The following TMEM50A variants were observed in gnomAD, a reference collection of about 807,000 sequenced individuals.
TMEM50A encodes the protein transmembrane protein 50A, also known as cervical cancer oncogene 9.
Under a neutral mutation model 23.9 loss-of-function variants are expected in TMEM50A, and 8 were observed. The ratio of observed to expected loss-of-function variants is 0.33; its 90% CI spans 0.20 to 0.60. The LOEUF (loss-of-function observed/expected upper bound fraction) is 0.60. Among genes scored for constraint, TMEM50A ranks in the 20% least tolerant of loss-of-function variants. The pLI, the probability that TMEM50A is intolerant of heterozygous loss-of-function variation, is 0.81. For synonymous variants in TMEM50A, 55 were observed against 60.4 expected (o/e 0.91, Z 0.41); for missense variants, 178 against 192.7 (o/e 0.92, Z 0.45).
intron 5 of TMEM50A, among the ~76,000 whole-genome samples, 165 bp downstream of exon 5, chr1:25,353,139 T>C (rs1233641710): frequency 6.6e-6 from 1 of 152,208 alleles, no homozygotes; most frequent in African/African-American, 2.4e-5. Context: ...TGGTTTTCTT[T>C]GTCTTATATA....
intron 3 of TMEM50A, among the ~76,000 whole-genome samples, chr1:25,346,554 C>T (rs1645219626): frequency 6.6e-6 from 1 of 152,148 alleles, no homozygotes; most frequent in Non-Finnish European, 1.5e-5. Flanking sequence ...TACCACCACA[C>T]CCAGCTATTT....
intron 3 of TMEM50A, among the ~76,000 whole-genome samples, chr1:25,350,416 G>A (rs1239910009): frequency 6.6e-6 from 1 of 152,048 alleles, no homozygotes. Flanking sequence ...AAGAGACGGA[G>A]TTTCACTCTT....
In TMEM50A at chr1:25,339,405, G is replaced by C. The variant is rs184947107; in HGVS notation, c.-14+949G>C. Among the ~76,000 whole-genome samples the C allele has an allele frequency of 3.5e-3, 526 of 152,286 alleles. 1 individual carries two copies. Among genetic ancestry groups the C allele is most frequent in the Non-Finnish European group, 5.8e-3 (393 of 68,032 alleles). ...ACGATTCTGTGCTTGCTTTTGGCTGGAAACACCCGTTAGGATCAGAGATAG... is the reference window on the plus strand; with the variant it reads ...ACGATTCTGTGCTTGCTTTTGGCTGCAAACACCCGTTAGGATCAGAGATAG... On this transcript the variant is annotated intron_variant, in intron 1 of 6. Transcript: ENST00000374358.
intron 6 of TMEM50A, among the ~76,000 whole-genome samples, chr1:25,358,829 A>G (rs1012558894): frequency 3.3e-5 from 5 of 152,196 alleles, no homozygotes; most frequent in African/African-American, 1.2e-4. Context: ...CTAATAACCA[A>G]CTTCAGTTTT....
At position 25,361,789 on chromosome 1, in the gene TMEM50A, T is replaced by C. The variant is rs1350148111; in HGVS notation, c.*1084T>C. On this transcript the variant is annotated 3_prime_UTR_variant, in exon 7 of 7. Coordinates refer to ENST00000374358, the MANE Select transcript of TMEM50A (RefSeq NM_014313.4). ...TGGTCATCTGACAGTCTCTACACTG[T>C]GAATATTGCCTGGTGATCAAGACTC... 6.5e-6 allele frequency: 1 copy of C among 154,212 alleles called. No individual in the cohort carries two copies. The highest frequency in any genetic ancestry group is 1.4e-5 in the Non-Finnish European group (1 of 69,382). The allele number at this position is 154,212 out of a possible 1,614,324, so 9.6% of individuals were successfully genotyped here.
chr1:25,340,991 T>A (rs1426139864), intron 2 of TMEM50A, among the ~76,000 whole-genome samples: 1 of 152,196 alleles, frequency 6.6e-6, no homozygotes, highest in Non-Finnish European at 1.5e-5. Context: ...TGGCAACACA[T>A]ACACTAAGAT....
intron 6 of TMEM50A, among the ~76,000 whole-genome samples, chr1:25,359,452 T>C (rs930832187): frequency 1.3e-5 from 2 of 151,614 alleles, no homozygotes; most frequent in African/African-American, 2.4e-5. Flanking sequence ...TGGGCCATAT[T>C]GGAAGAATTG....
chr1:25,339,614 A>C lies in TMEM50A; in HGVS notation c.-13-860A>C, dbSNP rs1237748638. ...CTGTGATAAAATATGTAAATTAGAG[A>C]AATATTTTTCATTTGAATCTGTAAT... is the stretch of plus-strand genomic sequence containing the variant. On this transcript the variant is annotated intron_variant, in intron 1 of 6. Transcript: ENST00000374358. Among the ~76,000 whole-genome samples the C allele has an allele frequency of 3.9e-5, 6 of 152,340 alleles. No individual in the cohort carries two copies. The East Asian group carries it at 1.2e-3, about 29-fold the overall frequency.
intron 2 of TMEM50A, among the ~76,000 whole-genome samples, chr1:25,341,351 G>A (rs969379780): frequency 6.6e-6 from 1 of 151,842 alleles, no homozygotes; most frequent in Non-Finnish European, 1.5e-5. Flanking sequence ...TCCGCTTCCC[G>A]GGGTTCACGC....
chr1:25,346,189 C>A (rs1189366905), intron 3 of TMEM50A, among the ~76,000 whole-genome samples: 2 of 151,700 alleles, frequency 1.3e-5, no homozygotes, highest in Non-Finnish European at 1.5e-5. Context: ...TTTCTAAGGG[C>A]CTTTGTTTCC....
rs573950441 is a variant in TMEM50A at position 25,339,082 on chromosome 1, G to C, written c.-14+626G>C. ...ATATTTTAATATTTAATTTTTAAAAGAGAAGTTAAAAATGGGAGACGTTGC... is the reference window on the plus strand; with the variant it reads ...ATATTTTAATATTTAATTTTTAAAACAGAAGTTAAAAATGGGAGACGTTGC... On this transcript the variant is annotated intron_variant, in intron 1 of 6. Transcript: ENST00000374358. Among the ~76,000 whole-genome samples, 101 of 152,328 alleles carry C rather than the reference G, an allele frequency of 6.6e-4. 3 individuals are homozygous for C. The South Asian group carries it at 0.02, about 30-fold the overall frequency.
At chr1:25,359,123 T>TCCCCATAGAGCATGCAGGCAGGCAG (rs1023441323) in intron 6 of TMEM50A, among the ~76,000 whole-genome samples, 15 of 151,870 alleles carry the variant, frequency 9.9e-5, no homozygotes, top group South Asian at 2.1e-4. Context: ...CAGGCAGGCA[T>TCCCCATAGAGCATGCAGGCAGGCAG]CCCCATAGAG....
chr1:25,362,163 T>C lies in TMEM50A; in HGVS notation c.*1458T>C, dbSNP rs1025750594. ...TCAGTGATTTGTAATTTTCCTGTTT[T>C]GTATTATCTGCTTTGCTGATGTAGA... On this transcript the variant is annotated 3_prime_UTR_variant, in exon 7 of 7. Coordinates refer to ENST00000374358, the MANE Select transcript of TMEM50A (RefSeq NM_014313.4). 1.2e-5 allele frequency: 5 copies of C among 403,866 alleles called. No individual in the cohort carries two copies. The highest frequency in any genetic ancestry group is 2.3e-5 in the Non-Finnish European group (5 of 219,094). 25.0% of individuals were successfully genotyped at this position (403,866 alleles called of 1,614,324 possible). A position where few individuals can be genotyped will look rare whatever the true frequency, so the allele number is the denominator to read the frequency against.
Position 25,340,582 on chromosome 1 carries a change from A to T in TMEM50A, c.93+3A>T, listed in dbSNP as rs768440482. The stretch of plus-strand genomic sequence containing the variant: ...CTTCCATTGCTGCTGGTGTACTAGT[A>T]AGTGTCATTGATTATTTGGGCCTTA... On this transcript the variant is annotated splice_donor_region_variant and intron_variant, in intron 2 of 6. Coordinates refer to ENST00000374358, the MANE Select transcript of TMEM50A (RefSeq NM_014313.4). 6.2e-7 allele frequency: 1 copy of T among 1,610,004 alleles called. No individual in the cohort carries two copies. Among genetic ancestry groups the T allele is most frequent in the South Asian group, 1.1e-5 (1 of 90,162 alleles).
At position 25,361,524 on chromosome 1, in the gene TMEM50A, C is replaced by G. The variant is rs1030288714; in HGVS notation, c.*819C>G. 6.6e-6 allele frequency: 1 copy of G among 152,258 alleles called. No individual in the cohort carries two copies. Among genetic ancestry groups the G allele is most frequent in the Non-Finnish European group, 1.5e-5 (1 of 68,100 alleles). The allele number at this position is 152,258 out of a possible 1,614,324, so 9.4% of individuals were successfully genotyped here. On this transcript the variant is annotated 3_prime_UTR_variant, in exon 7 of 7. Transcript: ENST00000374358. ...TTCCATGTTGCATTTCATCTGTGTA[C>G]TGAACCACTAGCCTAATAGACCAGC...
Position 25,352,884 on chromosome 1 carries a change from G to T in TMEM50A, c.277G>T (p.Ala93Ser). ...GGTAAAATATTATTTCTTTGAAGGT[G>T]CTCGCATTTGGCTTTTCGTTGGTTT... is the stretch of plus-strand genomic sequence containing the variant. ...YSEGCLGQTG[A>S]RIWLFVGFML... The change falls in exon 5 of 7, where the codon GCT becomes TCT. Residue 93 changes from alanine (A) to serine (S), a missense_variant and splice_region_variant. Physicochemically the swap from Ala to Ser is moderately conservative, Grantham distance 99. Transcript: ENST00000374358. 1 of 1,612,876 alleles carries T rather than the reference G, an allele frequency of 6.2e-7. No homozygotes were observed. The highest frequency in any genetic ancestry group is 1.7e-5 in the Admixed American group (1 of 59,852).
At chr1:25,359,123 T>G (rs543883736) in intron 6 of TMEM50A, among the ~76,000 whole-genome samples, 4 of 151,870 alleles carry the variant, frequency 2.6e-5, no homozygotes, top group Non-Finnish European at 2.9e-5. Context: ...CAGGCAGGCA[T>G]CCCCATAGAG....
At chr1:25,354,111 C>T (rs975983153) in intron 5 of TMEM50A, among the ~76,000 whole-genome samples, 15 of 152,102 alleles carry the variant, frequency 9.9e-5, no homozygotes, top group African/African-American at 3.4e-4. Flanking sequence ...CCCACTCAGC[C>T]TCCTGAGTAG....
rs537830643 is a variant in TMEM50A at position 25,339,373 on chromosome 1, A to G, written c.-14+917A>G. Among the ~76,000 whole-genome samples, 24 of 152,338 alleles carry G rather than the reference A, an allele frequency of 1.6e-4. No homozygotes were observed. The South Asian group carries it at 3.9e-3, about 25-fold the overall frequency. On this transcript the variant is annotated intron_variant, in intron 1 of 6. Transcript: ENST00000374358. ...TTGGATTTTTGTAATCTGAATTACTATTAACCACGATTCTGTGCTTGCTTT... is the reference window on the plus strand; with the variant it reads ...TTGGATTTTTGTAATCTGAATTACTGTTAACCACGATTCTGTGCTTGCTTT...
Sources: allele counts gnomAD v4.1 joint callset (sites outside exome capture counted in the v4.1 genomes callset), GRCh38; gene constraint gnomAD v4.1.1; transcripts MANE v1.5; gene names NCBI Gene and HGNC (gene_info 2026-07-23, HGNC 2026-07-21).